Variants in SARAF observed in about 807,000 individuals in gnomAD.
SARAF encodes store-operated calcium entry-associated regulatory factor.
In SARAF, 23 loss-of-function variants were observed where a neutral mutation model predicts 39.7. That is an observed-to-expected ratio of 0.58 (90% CI 0.42 to 0.82). The LOEUF (loss-of-function observed/expected upper bound fraction) is 0.82. SARAF is among the 40% of genes least tolerant of loss of function. The pLI, the probability that SARAF is intolerant of heterozygous loss-of-function variation, is 0.00. For missense variants in SARAF, 384 were observed against 418.5 expected (o/e 0.92, Z 0.72); for synonymous variants, 175 against 168.5 (o/e 1.04, Z -0.30).
intron 5 of SARAF, among the ~76,000 whole-genome samples, chr8:30,065,071 T>C (rs1380153507): frequency 6.6e-6 from 1 of 152,212 alleles, no homozygotes; most frequent in Non-Finnish European, 1.5e-5. Context: ...TGCACACAAC[T>C]ACTTATTCTT....
chr8:30,070,062 G>A lies in SARAF; in HGVS notation c.283-3C>T. ...TCTAAGTCCGTCTTACATTCCCACT[G>A]TGAAGAAAAATAGAAACAGACTATT... On this transcript the variant is annotated splice_polypyrimidine_tract_variant and splice_region_variant and intron_variant, in intron 2 of 5. Coordinates refer to ENST00000256255, the MANE Select transcript of SARAF (RefSeq NM_016127.6). 6.3e-7 allele frequency: 1 copy of A among 1,585,812 alleles called. No homozygotes were observed. Among genetic ancestry groups the A allele is most frequent in the Non-Finnish European group, 8.5e-7 (1 of 1,170,858 alleles).
chr8:30,082,445 G>C (rs1585449711), intron 1 of SARAF: 4 of 165,530 alleles, frequency 2.4e-5, no homozygotes, highest in Middle Eastern at 2.5e-3. Context: ...GGCAACGGCC[G>C]GCGATAGCAA....
intron 2 of SARAF, 106 bp from the exon 3 acceptor site, chr8:30,070,165 T>G: frequency 2.9e-6 from 3 of 1,019,206 alleles, no homozygotes; most frequent in South Asian, 3.3e-5. Context: ...ATCTCAGCAC[T>G]TTCGGAGGCC....
At chr8:30,066,551 A>G (rs536590022) in intron 4 of SARAF, among the ~76,000 whole-genome samples, 1 of 152,200 alleles carries the variant, frequency 6.6e-6, no homozygotes, top group Non-Finnish European at 1.5e-5. Context: ...TTCTTATCTC[A>G]TAATATATAT....
chr8:30,077,099 A>G (rs1801984699), intron 1 of SARAF, among the ~76,000 whole-genome samples: 1 of 152,206 alleles, frequency 6.6e-6, no homozygotes. Flanking sequence ...ATCATTTTTA[A>G]AAGGGATACT....
chr8:30,069,597 A>G (rs537400678), intron 3 of SARAF, 45 bp downstream of exon 3: 1 of 1,528,318 alleles, frequency 6.5e-7, no homozygotes, highest in Middle Eastern at 1.7e-4. Context: ...AGGATGCACT[A>G]ACCTCACACC....
intron 1 of SARAF, among the ~76,000 whole-genome samples, chr8:30,076,005 C>A (rs67533671): frequency 0.96 from 106,462 of 110,756 alleles, 51,246 homozygotes; most frequent in Middle Eastern, 0.99. Context: ...AAAAAAAAAA[C>A]AAAAAACGGG....
At chr8:30,066,416 CA>C (rs1198070846) in intron 4 of SARAF, among the ~76,000 whole-genome samples, 1 of 152,136 alleles carries the variant, frequency 6.6e-6, no homozygotes, top group Non-Finnish European at 1.5e-5. Flanking sequence ...CTTCATATTC[CA>C]AAATCTGGCC....
chr8:30,080,189 T>TGTA (rs1802065646), intron 1 of SARAF, among the ~76,000 whole-genome samples: 1 of 152,242 alleles, frequency 6.6e-6, no homozygotes, highest in Non-Finnish European at 1.5e-5. Flanking sequence ...AGCTCTCTAC[T>TGTA]GCTCCTGCCC....
chr8:30,067,075 A>G, intron 3 of SARAF, 157 bp from the exon 4 acceptor site: 3 of 757,788 alleles, frequency 4.0e-6, no homozygotes, highest in South Asian at 3.8e-5. Context: ...AGGTATTTGT[A>G]AAATACTGGT....
chr8:30,082,163 C>A (rs1585449277), intron 1 of SARAF: 1 of 152,176 alleles, frequency 6.6e-6, no homozygotes, highest in African/African-American at 2.4e-5. Flanking sequence ...ATAGTAAAAC[C>A]CCGTCTCTAC....
chr8:30,064,550 TATA>T (rs1279830037), intron 5 of SARAF, among the ~76,000 whole-genome samples: 776 of 39,758 alleles, frequency 0.02, 7 homozygotes, highest in South Asian at 0.03. Flanking sequence ...TATATATATA[TATA>T]TATATATATT....
At position 30,074,052 on chromosome 8, in the gene SARAF, C is replaced by T; in HGVS notation, c.107G>A (p.Arg36Lys). The T allele has an allele frequency of 6.2e-7, 1 of 1,611,470 alleles. No homozygotes were observed. Among genetic ancestry groups the T allele is most frequent in the Non-Finnish European group, 8.5e-7 (1 of 1,178,124 alleles). Residue 36 changes from arginine to lysine, a missense_variant, in exon 2 of 6, where the codon AGA becomes AAA. Arg to Lys is a conservative substitution (Grantham distance 26). Coordinates refer to ENST00000256255, the MANE Select transcript of SARAF (RefSeq NM_016127.6). ...AGCTTTTACATCCCGCAGCAACATT[C>T]TGTCTGAAACAGCAAGAAAACAGAG... is the stretch of plus-strand genomic sequence containing the variant. Reference protein sequence around the residue: ...GPALGWNDPDRMLLRDVKALT... With the variant: ...GPALGWNDPDKMLLRDVKALT...
chr8:30,080,867 C>T (rs1401555987), intron 1 of SARAF, among the ~76,000 whole-genome samples: 2 of 152,130 alleles, frequency 1.3e-5, no homozygotes, highest in Non-Finnish European at 2.9e-5. Context: ...GTGCCGGGTG[C>T]GGTGGCTCAC....
chr8:30,066,184 A>T, intron 4 of SARAF, 45 bp from the exon 5 acceptor site: 1 of 1,553,320 alleles, frequency 6.4e-7, no homozygotes, highest in South Asian at 1.2e-5. Context: ...TCTTGTGGCT[A>T]TAATTTTTAA....
Position 30,066,085 on chromosome 8 carries a change from G to A in SARAF, c.897C>T (p.Tyr299=), listed in dbSNP as rs141031577. 4.3e-6 allele frequency: 7 copies of A among 1,614,154 alleles called. No homozygotes were observed. In the African/African-American group the frequency reaches 6.7e-5, roughly 15 times the overall value. The change falls in exon 5 of 6, where the codon TAC becomes TAT. Residue 299 remains tyrosine, a synonymous_variant. Coordinates refer to ENST00000256255, the MANE Select transcript of SARAF (RefSeq NM_016127.6). ...AGTAAGCCCTATTCCACGTGCCAGG[G>A]TAGGAGGGAGGATAGGACGGGTAGT... The part of the protein sequence containing the change: ...SWYYPSYPPS[Y]PGTWNRAYSP...
At chr8:30,073,037 A>G (rs912968682) in intron 2 of SARAF, among the ~76,000 whole-genome samples, 2 of 152,224 alleles carry the variant, frequency 1.3e-5, no homozygotes, top group African/African-American at 4.8e-5. Flanking sequence ...GACTTCTGCT[A>G]TAACCCAGAG....
chr8:30,080,103 C>T (rs182848890), intron 1 of SARAF, among the ~76,000 whole-genome samples: 1 of 152,346 alleles, frequency 6.6e-6, no homozygotes, highest in Admixed American at 6.5e-5. Context: ...CCTCTCACTC[C>T]TACATCTGAT....
chr8:30,083,015 G>C lies in SARAF; in HGVS notation c.-66C>G. 8.3e-7 allele frequency: 1 copy of C among 1,204,028 alleles called. No individual in the cohort carries two copies. Among genetic ancestry groups the C allele is most frequent in the Admixed American group, 2.5e-5 (1 of 40,050 alleles). The allele number at this position is 1,204,028 out of a possible 1,614,324, so 74.6% of individuals were successfully genotyped here. A position where few individuals can be genotyped will look rare whatever the true frequency, so the allele number is the denominator to read the frequency against. On this transcript the variant is annotated 5_prime_UTR_variant, in exon 1 of 6. Transcript: ENST00000256255. ...GGGCCGAACCTGGGTGCGGTAGCGC[G>C]CGCGACGCTGCGCAGCTACACCGCT...
Sources: allele counts gnomAD v4.1 joint callset (sites outside exome capture counted in the v4.1 genomes callset), GRCh38; gene constraint gnomAD v4.1.1; transcripts MANE v1.5; gene names NCBI Gene and HGNC (gene_info 2026-07-23, HGNC 2026-07-21).